UBXN7: variants seen among roughly 807,000 people sequenced by gnomAD.
UBXN7 encodes UBX domain protein 7.
In UBXN7, 9 loss-of-function variants were observed where a neutral mutation model predicts 58.0. The ratio of observed to expected loss-of-function variants is 0.16; its 90% CI spans 0.09 to 0.27. UBXN7 has a LOEUF of 0.27. UBXN7 is among the 10% of genes least tolerant of loss of function. The pLI, the probability that UBXN7 is intolerant of heterozygous loss-of-function variation, is 1.00. For synonymous variants in UBXN7, 208 were observed against 205.0 expected (o/e 1.01, Z -0.12); for missense variants, 328 against 599.6 (o/e 0.55, Z 4.73).
intron 5 of UBXN7, among the ~76,000 whole-genome samples, chr3:196,386,841 C>T (rs1024243930): frequency 6.6e-6 from 1 of 152,164 alleles, no homozygotes; most frequent in Non-Finnish European, 1.5e-5. Flanking sequence ...CGACTTTCTT[C>T]ACAGAACTGG....
At chr3:196,389,501 A>G (rs1381640196) in intron 5 of UBXN7, among the ~76,000 whole-genome samples, 2 of 152,214 alleles carry the variant, frequency 1.3e-5, no homozygotes, top group African/African-American at 4.8e-5. Flanking sequence ...TGTCCCCTCC[A>G]AATCTCACAC....
intron 5 of UBXN7, among the ~76,000 whole-genome samples, chr3:196,382,976 C>T (rs1287292953): frequency 3.3e-5 from 5 of 151,886 alleles, no homozygotes; most frequent in Admixed American, 2.0e-4. Context: ...ATTAGCTGGG[C>T]GTGGTGGCAG....
intron 5 of UBXN7, among the ~76,000 whole-genome samples, chr3:196,378,699 T>G (rs549988014): frequency 1.3e-5 from 2 of 152,242 alleles, no homozygotes; most frequent in East Asian, 1.9e-4. Flanking sequence ...CTGGTGGGAG[T>G]GGAGCAGTGA....
intron 5 of UBXN7, among the ~76,000 whole-genome samples, chr3:196,383,626 G>C (rs574171623): frequency 6.6e-6 from 1 of 152,152 alleles, no homozygotes; most frequent in East Asian, 1.9e-4. Context: ...AATCAAATTA[G>C]AACTCAGGAT....
At chr3:196,368,940 A>C (rs962533714) in intron 7 of UBXN7, among the ~76,000 whole-genome samples, 2 of 152,034 alleles carry the variant, frequency 1.3e-5, no homozygotes, top group African/African-American at 4.8e-5. Flanking sequence ...CTCCTGCCTC[A>C]GCCTCCCAAG....
rs763071103 is a variant in UBXN7 at position 196,356,679 on chromosome 3, A to G, written c.*6T>C. On this transcript the variant is annotated 3_prime_UTR_variant, in exon 11 of 11. Transcript: ENST00000296328. ...GGGGTAAGCTGAGAGAGGTCAAGCC[A>G]TGGTGTTAATTTCTTTCCTGTACAA... is the stretch of plus-strand genomic sequence containing the variant. The G allele has an allele frequency of 1.9e-6, 3 of 1,593,888 alleles. No individual in the cohort carries two copies.
chr3:196,412,124 G>C (rs913786140), intron 1 of UBXN7, among the ~76,000 whole-genome samples: 2 of 151,042 alleles, frequency 1.3e-5, no homozygotes, highest in Non-Finnish European at 3.0e-5. Context: ...CCAGCTATTA[G>C]GGAGGCTGAG....
chr3:196,405,294 AC>A (rs1730126259), intron 2 of UBXN7, among the ~76,000 whole-genome samples: 1 of 151,702 alleles, frequency 6.6e-6, no homozygotes, highest in Non-Finnish European at 1.5e-5. Flanking sequence ...ACGTGGTGCA[AC>A]CCCATGTCTA....
chr3:196,422,148 C>T (rs1247277884), intron 1 of UBXN7, among the ~76,000 whole-genome samples: 1 of 151,496 alleles, frequency 6.6e-6, no homozygotes, highest in Non-Finnish European at 1.5e-5. Flanking sequence ...TGCAATAAAT[C>T]AAGATCACAC....
At chr3:196,382,171 C>T (rs1729227999) in intron 5 of UBXN7, among the ~76,000 whole-genome samples, 1 of 152,042 alleles carries the variant, frequency 6.6e-6, no homozygotes, top group African/African-American at 2.4e-5. Flanking sequence ...GAAAAGCAAC[C>T]CCAAGACACA....
At position 196,362,599 on chromosome 3, in the gene UBXN7, G is replaced by A. The variant is rs774448065; in HGVS notation, c.923C>T (p.Thr308Ile). 15 of 1,614,156 alleles carry A rather than the reference G, an allele frequency of 9.3e-6. No homozygotes were observed. Among genetic ancestry groups the A allele is most frequent in the Non-Finnish European group, 1.2e-5 (14 of 1,180,032 alleles). Residue 308 changes from threonine (T) to isoleucine (I), a missense_variant, in exon 9 of 11, where the codon ACA (threonine) becomes ATA (isoleucine). By Grantham distance (89) the Thr-to-Ile change is moderately conservative (BLOSUM62 -1). Around this residue, in one of 4 missense-constraint regions of UBXN7, gnomAD observed 126 missense variants for 302.6 expected, o/e 0.42. Coordinates refer to ENST00000296328, the MANE Select transcript of UBXN7 (RefSeq NM_015562.2). ...LQETHFDSTQ[T>I]KQDSRSDEES... Reference sequence around the variant, plus strand: ...TTCATCTGAGCGGCTATCCTGTTTTGTCTGTGTTGAATCAAAATGTGTTTC... The same window carrying A: ...TTCATCTGAGCGGCTATCCTGTTTTATCTGTGTTGAATCAAAATGTGTTTC...
In UBXN7 at chr3:196,393,205, A is replaced by G. The variant is rs551022577; in HGVS notation, c.355+349T>C. Among the ~76,000 whole-genome samples the G allele has an allele frequency of 1.3e-4, 20 of 152,330 alleles. No homozygotes were observed. The East Asian group carries it at 3.1e-3, about 23-fold the overall frequency. On this transcript the variant is annotated intron_variant, in intron 4 of 10. Transcript: ENST00000296328. ...TCCTCCTATTTTTCAATCTCTTATA[A>G]TAACCATTTTCATTATATATTCCTT...
At chr3:196,363,511 T>C (rs2108828402) in intron 8 of UBXN7, among the ~76,000 whole-genome samples, 1 of 151,840 alleles carries the variant, frequency 6.6e-6, no homozygotes, top group South Asian at 2.1e-4. Flanking sequence ...TTAAGCTTAG[T>C]GAGAAAGGCA....
chr3:196,400,529 G>C (rs1729930171), intron 3 of UBXN7: 1 of 162,020 alleles, frequency 6.2e-6, no homozygotes, highest in African/African-American at 2.4e-5. Context: ...GCCAAGGCAG[G>C]CAGGAAGCTT....
intron 10 of UBXN7, among the ~76,000 whole-genome samples, chr3:196,358,031 T>C (rs1269949847): frequency 6.6e-6 from 1 of 151,812 alleles, no homozygotes; most frequent in Non-Finnish European, 1.5e-5. Context: ...CCAGATCGTG[T>C]CTACAAGAAA....
rs192573104 is a variant in UBXN7 at position 196,421,484 on chromosome 3, G to A, written c.73+10843C>T. Among the ~76,000 whole-genome samples the A allele has an allele frequency of 6.4e-3, 973 of 152,288 alleles. 9 individuals are homozygous for A. The highest frequency in any genetic ancestry group is 0.011 in the Non-Finnish European group (724 of 68,018). On this transcript the variant is annotated intron_variant, in intron 1 of 10. Coordinates refer to ENST00000296328, the MANE Select transcript of UBXN7 (RefSeq NM_015562.2). ...AAAGTTGGGGCTTGAAAGATTTATGGATAGTGGCCGGGTGTGGTGGCTCAT... is the reference window on the plus strand; with the variant it reads ...AAAGTTGGGGCTTGAAAGATTTATGAATAGTGGCCGGGTGTGGTGGCTCAT...
At position 196,391,720 on chromosome 3, in the gene UBXN7, C is replaced by A. The variant is rs543017995; in HGVS notation, c.468+93G>T. ...CTGCAGTCCAGCCTGGACGACAGAG[C>A]GAGACCTGCTCTAAAACAAGTAATT... On this transcript the variant is annotated intron_variant, in intron 5 of 10. Coordinates refer to ENST00000296328, the MANE Select transcript of UBXN7 (RefSeq NM_015562.2). The A allele has an allele frequency of 9.8e-6, 9 of 913,860 alleles. No homozygotes were observed. In the East Asian group the frequency reaches 1.1e-4, roughly 11 times the overall value. 56.6% of individuals were successfully genotyped at this position (913,860 alleles called of 1,614,324 possible). A position where few individuals can be genotyped will look rare whatever the true frequency, so the allele number is the denominator to read the frequency against.
intron 3 of UBXN7, 143 bp from the exon 4 acceptor site, chr3:196,393,762 C>T: frequency 3.0e-6 from 2 of 677,628 alleles, no homozygotes; most frequent in Non-Finnish European, 4.8e-6. Context: ...AGGGGCCGTG[C>T]TAATCTCTGT....
intron 1 of UBXN7, among the ~76,000 whole-genome samples, chr3:196,417,674 A>G (rs1160792950): frequency 7.2e-6 from 1 of 138,570 alleles, no homozygotes; most frequent in Non-Finnish European, 1.5e-5. Flanking sequence ...AGGCCGAGGC[A>G]GACGGACTGC....
Sources: allele counts gnomAD v4.1 joint callset (sites outside exome capture counted in the v4.1 genomes callset), GRCh38; gene constraint gnomAD v4.1.1; regional missense constraint gnomAD v4.1.1; transcripts MANE v1.5; gene names NCBI Gene and HGNC (gene_info 2026-07-23, HGNC 2026-07-21).